ZRANB1: variants seen among roughly 807,000 people sequenced by gnomAD.
ZRANB1 encodes the protein zinc finger RANBP2-type containing 1, also known as ubiquitin thioesterase ZRANB1.
In ZRANB1, 16 loss-of-function variants were observed where a neutral mutation model predicts 80.5. The ratio of observed to expected loss-of-function variants is 0.20; its 90% CI spans 0.13 to 0.30. The LOEUF is 0.30. Ranked by LOEUF, ZRANB1 falls within the 10% of genes least tolerant of loss-of-function variation. ZRANB1 has a pLI of 1.00. For missense variants in ZRANB1, 576 were observed against 862.6 expected, an observed-to-expected ratio of 0.67 and a Z score of 4.16; for synonymous variants, 291 against 293.1, an observed-to-expected ratio of 0.99 and a Z score of 0.07.
At chr10:124,930,536 G>A in the ZRANB1 span, among the ~76,000 whole-genome samples, 5 of 152,200 alleles carry the variant, frequency 3.3e-5, no homozygotes, top group Admixed American at 3.3e-4. Context: ...AAAGTGCTGG[G>A]ATTACAGGCA....
chr10:124,960,202 T>C (rs1194437094), intron 1 of ZRANB1, among the ~76,000 whole-genome samples: 1 of 152,144 alleles, frequency 6.6e-6, no homozygotes, highest in South Asian at 2.1e-4. Flanking sequence ...ACAGAAGCCA[T>C]GAACTTTCTT....
the ZRANB1 span, among the ~76,000 whole-genome samples, chr10:124,918,347 C>T: frequency 3.3e-5 from 5 of 152,168 alleles, no homozygotes; most frequent in Non-Finnish European, 7.3e-5. Flanking sequence ...TGCGCCACCA[C>T]GCCCGGCTAA....
intron 1 of ZRANB1, among the ~76,000 whole-genome samples, chr10:124,964,324 C>T (rs897261748): frequency 2.0e-5 from 3 of 152,114 alleles, no homozygotes; most frequent in East Asian, 1.9e-4. Flanking sequence ...CTGCACCCCA[C>T]CCCCCAGTGC....
chr10:124,931,099 C>G, the ZRANB1 span, among the ~76,000 whole-genome samples: 1 of 152,036 alleles, frequency 6.6e-6, no homozygotes, highest in Non-Finnish European at 1.5e-5. Flanking sequence ...TTTTTGGAGA[C>G]AAGATTTTGC....
the ZRANB1 span, among the ~76,000 whole-genome samples, chr10:124,929,110 A>AG: frequency 6.6e-6 from 1 of 152,194 alleles, no homozygotes; most frequent in Non-Finnish European, 1.5e-5. Flanking sequence ...GGCTTGGAAT[A>AG]GGGGTATAGC....
intron 5 of ZRANB1, 130 bp downstream of exon 5, chr10:124,974,528 C>A: frequency 1.1e-6 from 1 of 913,162 alleles, no homozygotes; most frequent in Non-Finnish European, 1.6e-6. Context: ...TCATTTTGGA[C>A]ATTAAAATAC....
the ZRANB1 span, among the ~76,000 whole-genome samples, chr10:124,921,452 G>A: frequency 6.6e-6 from 1 of 152,156 alleles, no homozygotes; most frequent in African/African-American, 2.4e-5. Context: ...TAGTACATAG[G>A]TGAATGCTGA....
chr10:124,975,553 G>C (rs1053868571), intron 5 of ZRANB1, among the ~76,000 whole-genome samples: 14 of 152,134 alleles, frequency 9.2e-5, no homozygotes, highest in Admixed American at 7.2e-4. Flanking sequence ...AAAAATAATT[G>C]TTTTTGTGAA....
chr10:124,943,335 C>T lies in ZRANB1; in HGVS notation c.814+28C>T, dbSNP rs1025793. 2,274 of 1,581,046 alleles carry T rather than the reference C, an allele frequency of 1.4e-3. 31 individuals carry two copies. The African/African-American group carries it at 0.027, about 19-fold the overall frequency. On this transcript the variant is annotated intron_variant, in intron 1 of 8. Coordinates refer to ENST00000359653, the MANE Select transcript of ZRANB1 (RefSeq NM_017580.3). ...AAGTTTCTGTATTCTGCATTTTTTG[C>T]GTGGGATGGGAAAAGGTAGTAAAAA...
chr10:124,923,807 C>T, the ZRANB1 span, among the ~76,000 whole-genome samples: 144 of 151,810 alleles, frequency 9.5e-4, no homozygotes, highest in South Asian at 7.3e-3. Context: ...TAGGGGAAAC[C>T]GCCCCCATGA....
At chr10:124,921,006 A>G in the ZRANB1 span, among the ~76,000 whole-genome samples, 3 of 152,170 alleles carry the variant, frequency 2.0e-5, no homozygotes, top group East Asian at 1.9e-4. Flanking sequence ...TATGAGACAA[A>G]TACTTGAAAC....
the ZRANB1 span, among the ~76,000 whole-genome samples, chr10:124,924,336 T>TAA: frequency 6.6e-6 from 1 of 151,522 alleles, no homozygotes; most frequent in Non-Finnish European, 1.5e-5. Flanking sequence ...GTGTATTTCA[T>TAA]ATACCATAAA....
At chr10:124,947,612 C>T (rs891804979) in intron 1 of ZRANB1, among the ~76,000 whole-genome samples, 1 of 152,170 alleles carries the variant, frequency 6.6e-6, no homozygotes, top group African/African-American at 2.4e-5. Flanking sequence ...AACTCAAGCT[C>T]ATTTCAAGCT....
the ZRANB1 span, among the ~76,000 whole-genome samples, chr10:124,917,735 G>A: frequency 6.6e-6 from 1 of 152,160 alleles, no homozygotes; most frequent in African/African-American, 2.4e-5. Context: ...CTCCTGCGGT[G>A]GCCTCCAGTT....
intron 1 of ZRANB1, chr10:124,945,199 A>T (rs1951569914): frequency 6.6e-6 from 1 of 152,188 alleles, no homozygotes; most frequent in Non-Finnish European, 1.5e-5. Flanking sequence ...CATTTTCATC[A>T]TCCCAAAAGG....
At chr10:124,943,785 T>C (rs768718474) in intron 1 of ZRANB1, among the ~76,000 whole-genome samples, 2 of 152,216 alleles carry the variant, frequency 1.3e-5, no homozygotes, top group Non-Finnish European at 2.9e-5. Context: ...ACTGCTACTC[T>C]GTTTATTGTA....
In ZRANB1 at chr10:124,985,277, G is replaced by A. The variant is rs1260772219; in HGVS notation, c.*285G>A. ...AAATCTGTCTATAAATGTAACGCAT[G>A]TGGTTGTGTAAGACATTGTTTAATA... On this transcript the variant is annotated 3_prime_UTR_variant, in exon 9 of 9. Transcript: ENST00000359653. The A allele has an allele frequency of 1.3e-5, 4 of 306,522 alleles. No homozygotes were observed. The highest frequency in any genetic ancestry group is 8.6e-5 in the African/African-American group (4 of 46,632). 19.0% of individuals were successfully genotyped at this position (306,522 alleles called of 1,614,324 possible).
intron 1 of ZRANB1, among the ~76,000 whole-genome samples, chr10:124,943,528 AGTGTGT>A (rs4020644): frequency 6.7e-6 from 1 of 148,622 alleles, no homozygotes; most frequent in Non-Finnish European, 1.5e-5. Context: ...CAAAAATGTG[AGTGTGT>A]GTGTGTGTGT....
chr10:124,921,981 T>A, the ZRANB1 span, among the ~76,000 whole-genome samples: 1 of 152,024 alleles, frequency 6.6e-6, no homozygotes, highest in South Asian at 2.1e-4. Flanking sequence ...AAAAATTTTT[T>A]TTGACACAGG....
Sources: gnomAD v4.1 joint callset for allele counts (sites outside exome capture counted in the v4.1 genomes callset) on GRCh38, gnomAD v4.1.1 for gene constraint, MANE v1.5 for transcripts, NCBI Gene and HGNC (gene_info 2026-07-23, HGNC 2026-07-21) for gene names.